WDPCP: variants seen among roughly 807,000 people sequenced by gnomAD.
WDPCP encodes WD repeat containing planar cell polarity effector.
In WDPCP, 71 loss-of-function variants were observed where a neutral mutation model predicts 93.1. The ratio of observed to expected loss-of-function variants is 0.76; its 90% CI spans 0.63 to 0.93. The LOEUF is 0.93. Among genes scored for constraint, WDPCP ranks in the 40% least tolerant of loss-of-function variants. The probability of loss-of-function intolerance (pLI) is 0.00; values close to 1 mark genes in which losing one functional copy is unlikely to be tolerated. For synonymous variants in WDPCP, 315 were observed against 315.0 expected (o/e 1.00, Z 0.00); for missense variants, 844 against 887.4 (o/e 0.95, Z 0.62).
chr2:63,456,791 C>T (rs577097120), intron 6 of WDPCP, among the ~76,000 whole-genome samples: 7 of 152,040 alleles, frequency 4.6e-5, no homozygotes, highest in South Asian at 2.1e-4. Flanking sequence ...CTGAGGCAGG[C>T]GAATCACTTG....
In WDPCP at chr2:63,609,382, T is replaced by C. The variant is rs1575729027; in HGVS notation, n.488+41277A>G. On this transcript the variant is annotated intron_variant and non_coding_transcript_variant, in intron 3 of 4. Coordinates refer to the WDPCP transcript ENST00000467687. Reference sequence around the variant, plus strand: ...TCAAAACAAAACAACAACAACAAAATATATATATATACACACACTAATAAA... The same window carrying C: ...TCAAAACAAAACAACAACAACAAAACATATATATATACACACACTAATAAA... 2.0e-5 allele frequency among the ~76,000 whole-genome samples: 3 copies of C among 150,976 alleles called. No homozygotes were observed. The East Asian group carries it at 5.9e-4, about 30-fold the overall frequency.
intron 2 of WDPCP, among the ~76,000 whole-genome samples, chr2:63,807,467 C>T (rs1310823572): frequency 6.6e-6 from 1 of 152,186 alleles, no homozygotes; most frequent in East Asian, 1.9e-4. Context: ...CTGGCCCTTA[C>T]CAGAAGCAGA....
chr2:63,302,009 A>G (rs79918828), intron 13 of WDPCP, among the ~76,000 whole-genome samples: 2,072 of 152,310 alleles, frequency 0.014, 52 homozygotes, highest in African/African-American at 0.048. Flanking sequence ...GGCAGACCCA[A>G]AAAGAATATT....
At chr2:63,403,093 T>C (rs534038390) in intron 10 of WDPCP, among the ~76,000 whole-genome samples, 3 of 152,228 alleles carry the variant, frequency 2.0e-5, no homozygotes, top group African/African-American at 7.2e-5. Flanking sequence ...TATACAGCCA[T>C]TAAAAAGAAC....
intron 1 of WDPCP, among the ~76,000 whole-genome samples, chr2:63,822,246 G>T (rs941503648): frequency 6.6e-6 from 1 of 151,954 alleles, no homozygotes; most frequent in Non-Finnish European, 1.5e-5. Flanking sequence ...GCAATAGACG[G>T]CCTGTTGTGA....
chr2:63,638,674 A>C (rs1050289830), intron 3 of WDPCP, among the ~76,000 whole-genome samples: 1 of 152,100 alleles, frequency 6.6e-6, no homozygotes, highest in African/African-American at 2.4e-5. Context: ...CTGTAGTCCT[A>C]GCTAATCAGG....
At chr2:63,704,381 T>A (rs1430838993) in intron 2 of WDPCP, among the ~76,000 whole-genome samples, 1 of 152,194 alleles carries the variant, frequency 6.6e-6, no homozygotes, top group Non-Finnish European at 1.5e-5. Flanking sequence ...TTGTGCCAGT[T>A]TTCAAAGGGA....
chr2:63,675,502 C>G (rs544251298), intron 2 of WDPCP, among the ~76,000 whole-genome samples: 35 of 152,206 alleles, frequency 2.3e-4, no homozygotes, highest in African/African-American at 8.4e-4. Context: ...TTCAAGCTCT[C>G]TCATTTCCTT....
chr2:63,475,932 T>C (rs1171309351), intron 6 of WDPCP, among the ~76,000 whole-genome samples: 1 of 152,106 alleles, frequency 6.6e-6, no homozygotes, highest in African/African-American at 2.4e-5. Flanking sequence ...GGCTGTCTCC[T>C]CTCAAATTTT....
intron 14 of WDPCP, among the ~76,000 whole-genome samples, chr2:63,240,334 C>T (rs930235590): frequency 6.6e-6 from 1 of 152,030 alleles, no homozygotes; most frequent in African/African-American, 2.4e-5. Context: ...CGTGCCACCA[C>T]CCCGAGCTAG....
At chr2:63,702,541 T>C (rs576617964) in intron 2 of WDPCP, among the ~76,000 whole-genome samples, 2 of 151,154 alleles carry the variant, frequency 1.3e-5, no homozygotes, top group East Asian at 3.9e-4. Context: ...ACCCATTCTT[T>C]TTTTTTTTGG....
intron 1 of WDPCP, chr2:63,518,623 C>T (rs76147964): frequency 0.022 from 3,290 of 152,730 alleles, 67 homozygotes; most frequent in Admixed American, 0.054. Flanking sequence ...GCTCACCAGG[C>T]ACCCCTAGGA....
chr2:63,454,881 G>C (rs1328541716), intron 6 of WDPCP, among the ~76,000 whole-genome samples: 1 of 152,006 alleles, frequency 6.6e-6, no homozygotes. Context: ...AAACCTTATG[G>C]GCCAGGAGAG....
At chr2:63,588,136 C>G in intron 1 of WDPCP, 61 bp downstream of exon 1, 1 of 1,539,014 alleles carries the variant, frequency 6.5e-7, no homozygotes, top group Non-Finnish European at 8.8e-7. Context: ...GGACGGCGCA[C>G]CAACCGCATT....
intron 13 of WDPCP, among the ~76,000 whole-genome samples, chr2:63,310,181 G>A (rs1007468679): frequency 6.6e-6 from 1 of 152,082 alleles, no homozygotes; most frequent in African/African-American, 2.4e-5. Flanking sequence ...GATACTTAAA[G>A]CACACTAGGG....
At position 63,597,425 on chromosome 2, in the gene WDPCP, G is replaced by A. The variant is rs772495239; in HGVS notation, n.488+53234C>T. 4.8e-6 allele frequency: 7 copies of A among 1,450,676 alleles called. No individual in the cohort carries two copies. The Admixed American group carries it at 9.9e-5, about 20-fold the overall frequency. The allele number at this position is 1,450,676 out of a possible 1,614,324, so 89.9% of individuals were successfully genotyped here. ...TGTCATCGCAACAGATAAAGAAGACGTTGCCTTCAAAGACCTGGATGTGGC... is the reference window on the plus strand; with the variant it reads ...TGTCATCGCAACAGATAAAGAAGACATTGCCTTCAAAGACCTGGATGTGGC... On this transcript the variant is annotated intron_variant and non_coding_transcript_variant, in intron 3 of 4. Coordinates refer to the WDPCP transcript ENST00000467687.
At chr2:63,598,603 A>T (rs1306081367) in intron 3 of WDPCP, among the ~76,000 whole-genome samples, 1 of 152,208 alleles carries the variant, frequency 6.6e-6, no homozygotes, top group East Asian at 1.9e-4. Context: ...TCTATCAATA[A>T]CATTTCATAG....
intron 4 of WDPCP, among the ~76,000 whole-genome samples, chr2:63,485,667 A>C (rs1700533148): frequency 6.6e-6 from 1 of 151,898 alleles, no homozygotes; most frequent in South Asian, 2.1e-4. Flanking sequence ...ATGTTAGCCT[A>C]AAATAAATTA....
intron 1 of WDPCP, among the ~76,000 whole-genome samples, chr2:63,552,143 G>T (rs1705721080): frequency 7.1e-6 from 1 of 140,456 alleles, no homozygotes; most frequent in Non-Finnish European, 1.5e-5. Flanking sequence ...TAAAATCCAA[G>T]TATTCTATTA....
Sources: allele counts gnomAD v4.1 joint callset (sites outside exome capture counted in the v4.1 genomes callset), GRCh38; gene constraint gnomAD v4.1.1; transcripts MANE v1.5; gene names NCBI Gene and HGNC (gene_info 2026-07-23, HGNC 2026-07-21).